TDRD10: variants seen among roughly 807,000 people sequenced by gnomAD.
TDRD10 encodes the protein tudor domain-containing protein 10.
In TDRD10, 40 loss-of-function variants were observed where a neutral mutation model predicts 48.0. That is an observed-to-expected ratio of 0.83 (90% confidence interval 0.65 to 1.09). The LOEUF (loss-of-function observed/expected upper bound fraction) is 1.09. Among genes scored for constraint, TDRD10 ranks in the 50% least tolerant of loss-of-function variants. TDRD10 has a pLI of 0.00. For synonymous variants in TDRD10, 162 were observed against 170.4 expected (o/e 0.95, Z 0.38); for missense variants, 378 against 434.7 (o/e 0.87, Z 1.16).
At chr1:154,535,433 C>T (rs145112723) in intron 6 of TDRD10, among the ~76,000 whole-genome samples, 12 of 151,222 alleles carry the variant, frequency 7.9e-5, no homozygotes, top group African/African-American at 2.9e-4. Flanking sequence ...TACCTGTAAT[C>T]CCAGTGCTTT....
chr1:154,505,535 A>G (rs919346515), intron 1 of TDRD10, among the ~76,000 whole-genome samples: 1 of 152,112 alleles, frequency 6.6e-6, no homozygotes, highest in South Asian at 2.1e-4. Context: ...GTTCCCTCCT[A>G]CACCTGGGAA....
intron 6 of TDRD10, among the ~76,000 whole-genome samples, chr1:154,540,403 G>A (rs1357969768): frequency 6.6e-6 from 1 of 150,696 alleles, no homozygotes; most frequent in Non-Finnish European, 1.5e-5. Context: ...GAGCACAGTG[G>A]CTCATGCCTG....
Position 154,532,452 on chromosome 1 carries a change from T to G in TDRD10, c.370-9572T>G, listed in dbSNP as rs187227566. The stretch of plus-strand genomic sequence containing the variant: ...CGCAGCCCTGGTTCCCACCTGTGCT[T>G]CTCCCTCCACACCTGCCTGCAAGCC... On this transcript the variant is annotated intron_variant, in intron 6 of 12. Coordinates refer to ENST00000368482, the MANE Select transcript of TDRD10 (RefSeq NM_182499.4). Among the ~76,000 whole-genome samples, 570 of 151,924 alleles carry G rather than the reference T, an allele frequency of 3.8e-3. 2 individuals are homozygous for G. Among genetic ancestry groups the G allele is most frequent in the Non-Finnish European group, 6.5e-3 (440 of 67,952 alleles).
In TDRD10 at chr1:154,515,815, A is replaced by G. The variant is rs544166694; in HGVS notation, c.142-4489A>G. 2.6e-5 allele frequency among the ~76,000 whole-genome samples: 4 copies of G among 152,266 alleles called. No homozygotes were observed. The South Asian group carries it at 8.3e-4, about 32-fold the overall frequency. ...CTGCCACCTCTGCCTCCTGGGTTCA[A>G]GCGATTCTCCTGCCTCAGCCTCCTA... On this transcript the variant is annotated intron_variant, in intron 4 of 12. Coordinates refer to ENST00000368482, the MANE Select transcript of TDRD10 (RefSeq NM_182499.4).
intron 4 of TDRD10, among the ~76,000 whole-genome samples, chr1:154,517,420 C>G (rs576107950): frequency 1.4e-5 from 2 of 138,490 alleles, no homozygotes; most frequent in Non-Finnish European, 3.2e-5. Context: ...GATATTAGAC[C>G]TTTTTTTTTT....
At chr1:154,506,844 C>T (rs1693179011) in intron 1 of TDRD10, 33 bp from the exon 2 acceptor site, 1 of 1,580,422 alleles carries the variant, frequency 6.3e-7, no homozygotes, top group Non-Finnish European at 8.7e-7. Context: ...ACTATCCTGG[C>T]ATTCCTCTAA....
At position 154,547,728 on chromosome 1, in the gene TDRD10, T is replaced by C; in HGVS notation, c.*18T>C. ...CTAAATAACGGGGCTTCCCTCAGCA[T>C]GTTCCCTCTCCTGTTTGCCACGGAT... On this transcript the variant is annotated 3_prime_UTR_variant, in exon 13 of 13. Coordinates refer to ENST00000368482, the MANE Select transcript of TDRD10 (RefSeq NM_182499.4). 2 of 1,612,964 alleles carry C rather than the reference T, an allele frequency of 1.2e-6. No homozygotes were observed. Among genetic ancestry groups the C allele is most frequent in the Non-Finnish European group, 1.7e-6 (2 of 1,179,884 alleles).
intron 6 of TDRD10, among the ~76,000 whole-genome samples, chr1:154,525,094 G>A (rs1224585134): frequency 1.3e-5 from 2 of 152,192 alleles, no homozygotes; most frequent in Non-Finnish European, 2.9e-5. Flanking sequence ...GTGCTCACAT[G>A]CTTTCCTTTG....
intron 5 of TDRD10, among the ~76,000 whole-genome samples, chr1:154,520,862 G>A (rs1194053327): frequency 6.6e-6 from 1 of 151,986 alleles, no homozygotes; most frequent in Non-Finnish European, 1.5e-5. Flanking sequence ...CTCAGCCTCC[G>A]AAGTAGCTGG....
At position 154,544,531 on chromosome 1, in the gene TDRD10, C is replaced by T. The variant is rs150567394; in HGVS notation, c.797+14C>T. The T allele has an allele frequency of 2.0e-5, 32 of 1,612,674 alleles. No homozygotes were observed. The African/African-American group carries it at 3.2e-4, about 16-fold the overall frequency. On this transcript the variant is annotated intron_variant, in intron 10 of 12. Coordinates refer to ENST00000368482, the MANE Select transcript of TDRD10 (RefSeq NM_182499.4). ...CGCCTGGAACAGGTGTGTGCCTGGG[C>T]AGGGGTAGAGTCTATGGGAGAGGCG...
At chr1:154,529,190 C>G (rs1356438973) in intron 6 of TDRD10, among the ~76,000 whole-genome samples, 1 of 152,116 alleles carries the variant, frequency 6.6e-6, no homozygotes. Context: ...AGCAATTCTC[C>G]TGCCTCAGCC....
chr1:154,510,455 G>A (rs974780213), intron 4 of TDRD10, among the ~76,000 whole-genome samples: 1 of 151,828 alleles, frequency 6.6e-6, no homozygotes, highest in African/African-American at 2.4e-5. Flanking sequence ...AGACGGGTAT[G>A]GTGGTGGGCA....
At chr1:154,523,007 C>A (rs1570931514) in intron 6 of TDRD10, among the ~76,000 whole-genome samples, 2 of 152,120 alleles carry the variant, frequency 1.3e-5, no homozygotes, top group South Asian at 4.1e-4. Flanking sequence ...CCTCTGCCTC[C>A]TGGGTTCAAG....
chr1:154,526,833 C>T (rs543406629), intron 6 of TDRD10, among the ~76,000 whole-genome samples: 177 of 152,136 alleles, frequency 1.2e-3, no homozygotes, highest in Non-Finnish European at 2.1e-3. Flanking sequence ...CAAGTAATTA[C>T]CCACCTCGGC....
intron 1 of TDRD10, 146 bp from the exon 2 acceptor site, chr1:154,506,731 T>G (rs1198530325): frequency 1.4e-6 from 1 of 699,476 alleles, no homozygotes; most frequent in African/African-American, 1.8e-5. Flanking sequence ...CCGTGAAATC[T>G]AATACATTCA....
At chr1:154,503,262 C>T (rs1692914294) in intron 1 of TDRD10, among the ~76,000 whole-genome samples, 1 of 152,144 alleles carries the variant, frequency 6.6e-6, no homozygotes, top group Admixed American at 6.5e-5. Flanking sequence ...AAAGACGCCT[C>T]TGCCATTCCT....
chr1:154,536,568 A>C (rs1190074365), intron 6 of TDRD10, among the ~76,000 whole-genome samples: 1 of 152,210 alleles, frequency 6.6e-6, no homozygotes, highest in Non-Finnish European at 1.5e-5. Context: ...CTTAAAGTGA[A>C]CCCATTTAAG....
chr1:154,547,599 G>A lies in TDRD10; in HGVS notation c.1024-79G>A, dbSNP rs377635961. The A allele has an allele frequency of 6.9e-5, 112 of 1,614,184 alleles. No homozygotes were observed. In the African/African-American group the frequency reaches 1.1e-3, roughly 16 times the overall value. On this transcript the variant is annotated intron_variant, in intron 12 of 12. Transcript: ENST00000368482. ...TACCTGGCATTCTTTTAGATCAAAC[G>A]AACTGGTTATCTGAGGGGTTGGGTG...
intron 4 of TDRD10, among the ~76,000 whole-genome samples, chr1:154,515,280 G>A (rs1487860292): frequency 6.6e-6 from 1 of 152,040 alleles, no homozygotes; most frequent in African/African-American, 2.4e-5. Context: ...TTACAGGTAT[G>A]AGCCACCGCA....
Sources: gnomAD v4.1 joint callset for allele counts (sites outside exome capture counted in the v4.1 genomes callset) on GRCh38, gnomAD v4.1.1 for gene constraint, MANE v1.5 for transcripts, NCBI Gene and HGNC (gene_info 2026-07-23, HGNC 2026-07-21) for gene names.